The following MATR3 variants were observed in gnomAD, a reference collection of about 807,000 sequenced individuals.
MATR3 encodes matrin 3.
In MATR3, 4 loss-of-function variants were observed where a neutral mutation model predicts 85.5. That is an observed-to-expected ratio of 0.05 (90% CI 0.02 to 0.11). MATR3 has a LOEUF of 0.11. Among genes scored for constraint, MATR3 ranks in the 10% least tolerant of loss-of-function variants. The pLI is 1.00. For synonymous variants in MATR3, 336 were observed against 343.1 expected (o/e 0.98, Z 0.23); for missense variants, 685 against 1,016.1 (o/e 0.67, Z 4.43).
At chr5:139,297,223 G>A (rs1016252923) in intron 1 of MATR3, among the ~76,000 whole-genome samples, 1 of 152,188 alleles carries the variant, frequency 6.6e-6, no homozygotes. Context: ...GGGATGGACA[G>A]TGCTAAGTTT....
At chr5:139,314,827 T>A in intron 3 of MATR3, 91 bp downstream of exon 3, 1 of 1,123,226 alleles carries the variant, frequency 8.9e-7, no homozygotes, top group South Asian at 1.3e-5. Context: ...ACTTGTAATA[T>A]CCACAATGTT....
intron 1 of MATR3, among the ~76,000 whole-genome samples, chr5:139,298,980 CA>C (rs1374259418): frequency 1.3e-5 from 2 of 152,158 alleles, no homozygotes; most frequent in African/African-American, 4.8e-5. Flanking sequence ...CAGAACAGTA[CA>C]TTTTAAGTCA....
chr5:139,311,888 A>G (rs1313741193), intron 2 of MATR3: 1 of 148,354 alleles, frequency 6.7e-6, no homozygotes, highest in Non-Finnish European at 1.5e-5. Flanking sequence ...CTGCCTCAGC[A>G]TCCCAGGTAG....
intron 1 of MATR3, among the ~76,000 whole-genome samples, chr5:139,304,503 A>G (rs1257982393): frequency 6.6e-6 from 1 of 150,970 alleles, no homozygotes; most frequent in East Asian, 1.9e-4. Context: ...TCCATCTGAA[A>G]AAAAAAAAAA....
intron 2 of MATR3, chr5:139,311,668 A>ACTTAAGAAT (rs1360625050): frequency 1.3e-5 from 2 of 151,740 alleles, no homozygotes; most frequent in African/African-American, 4.8e-5. Context: ...CTCTCCCACA[A>ACTTAAGAAT]CTTAAGAATA....
chr5:139,294,263 T>A (rs1273229423), intron 1 of MATR3, among the ~76,000 whole-genome samples: 1 of 152,114 alleles, frequency 6.6e-6, no homozygotes, highest in Non-Finnish European at 1.5e-5. Flanking sequence ...TTGAGGAGGA[T>A]GGTTAAGATA....
At chr5:139,301,569 G>T (rs1017182555) in intron 1 of MATR3, among the ~76,000 whole-genome samples, 1 of 151,958 alleles carries the variant, frequency 6.6e-6, no homozygotes, top group Non-Finnish European at 1.5e-5. Flanking sequence ...TGATCCTCTC[G>T]CCTCGGCCTC....
exon 3 of MATR3, chr5:139,279,078 C>A (rs1437415131): frequency 4.4e-6 from 2 of 458,704 alleles, no homozygotes; most frequent in African/African-American, 4.0e-5. Context: ...ACATCTACCT[C>A]CATCAGGACC....
chr5:139,320,693 C>T (rs868077609), intron 9 of MATR3, among the ~76,000 whole-genome samples: 9 of 149,476 alleles, frequency 6.0e-5, no homozygotes, highest in African/African-American at 2.2e-4. Context: ...AGTTTGTGTT[C>T]TTCCAGACTT....
Position 139,315,687 on chromosome 5 carries a change from CT to C in MATR3, c.975-5del. On this transcript the variant is annotated splice_polypyrimidine_tract_variant and intron_variant, in intron 3 of 14. Transcript: ENST00000394805. ...TTTATTTTAAAGTTAATTTTCTGGT[CT>C]TTTTAAAGCTACCCAGAATGGAATC... 2 of 1,603,550 alleles carry C rather than the reference CT, an allele frequency of 1.2e-6. No individual in the cohort carries two copies. The highest frequency in any genetic ancestry group is 1.3e-5 in the African/African-American group (1 of 74,792).
chr5:139,293,255 GATAA>G (rs1177537705), upstream of MATR3: 1 of 152,028 alleles, frequency 6.6e-6, no homozygotes, highest in African/African-American at 2.4e-5. Flanking sequence ...GTTTATTTAT[GATAA>G]ATAAATAAAC....
At chr5:139,275,142 ATT>A (rs750841386) in intron 1 of MATR3, among the ~76,000 whole-genome samples, 593 of 40,846 alleles carry the variant, frequency 0.015, 2 homozygotes, top group African/African-American at 0.05. Context: ...CGCCCGGCTA[ATT>A]TTTTTTTTTT....
chr5:139,324,908 G>A (rs758795964), intron 12 of MATR3, among the ~76,000 whole-genome samples: 4 of 151,958 alleles, frequency 2.6e-5, no homozygotes, highest in Admixed American at 6.6e-5. Flanking sequence ...AGACAAAGAC[G>A]CGGCCGGGCA....
intron 13 of MATR3, among the ~76,000 whole-genome samples, chr5:139,325,941 T>C (rs1415608345): frequency 2.0e-5 from 3 of 152,204 alleles, no homozygotes; most frequent in Non-Finnish European, 4.4e-5. Flanking sequence ...TTCTGTGTTG[T>C]TTTTCTGTAT....
rs1561948987 is a variant in MATR3, at chr5:139,330,514, C to G, written c.*1119C>G. Reference sequence around the variant, plus strand: ...CTTTAACAATTTATTACTTTTAAATCTAGAGTGAATTCTAAAGACTGCCGC... The same window carrying G: ...CTTTAACAATTTATTACTTTTAAATGTAGAGTGAATTCTAAAGACTGCCGC... On this transcript the variant is annotated 3_prime_UTR_variant, in exon 15 of 15. Coordinates refer to ENST00000394805, the MANE Select transcript of MATR3 (RefSeq NM_018834.6). The G allele has an allele frequency of 2.2e-6, 1 of 454,100 alleles. No homozygotes were observed. Among genetic ancestry groups the G allele is most frequent in the East Asian group, 6.9e-5 (1 of 14,400 alleles). 28.1% of individuals were successfully genotyped at this position (454,100 alleles called of 1,614,324 possible).
chr5:139,318,776 A>G (rs1755389562), intron 7 of MATR3, 132 bp from the exon 8 acceptor site: 7 of 864,224 alleles, frequency 8.1e-6, no homozygotes, highest in African/African-American at 1.7e-5. Context: ...TCTTGAAAGT[A>G]TTTTCTACTT....
In MATR3 at chr5:139,325,476, G is replaced by C; in HGVS notation, c.2185G>C (p.Ala729Pro). The change falls in exon 13 of 15, where the codon GCA becomes CCA. Residue 729 changes from alanine to proline, a missense_variant. Physicochemically the swap from Ala to Pro is conservative, Grantham distance 27. Coordinates refer to ENST00000394805, the MANE Select transcript of MATR3 (RefSeq NM_018834.6). ...CGAGGAACTTGATCAAGAAAACGAAGCAGCGTTGGAAAATGGAATTAAAAA... is the reference window on the plus strand; with the variant it reads ...CGAGGAACTTGATCAAGAAAACGAACCAGCGTTGGAAAATGGAATTAAAAA... ...KIEELDQENE[A>P]ALENGIKNEE... 1 of 1,614,188 alleles carries C rather than the reference G, an allele frequency of 6.2e-7. No homozygotes were observed. The highest frequency in any genetic ancestry group is 8.5e-7 in the Non-Finnish European group (1 of 1,180,036).
intron 1 of MATR3, among the ~76,000 whole-genome samples, chr5:139,303,214 G>A (rs1754542317): frequency 6.6e-6 from 1 of 152,112 alleles, no homozygotes; most frequent in African/African-American, 2.4e-5. Context: ...TGATTCTCCG[G>A]CCTTAGCCTC....
At chr5:139,286,355 T>C (rs139609290) in intron 3 of MATR3, among the ~76,000 whole-genome samples, 151 of 152,084 alleles carry the variant, frequency 9.9e-4, no homozygotes, top group African/African-American at 3.4e-3. Context: ...ATTTATTTAT[T>C]ATAAAATAGA....
Sources: gnomAD v4.1 joint callset for allele counts (sites outside exome capture counted in the v4.1 genomes callset) on GRCh38, gnomAD v4.1.1 for gene constraint, MANE v1.5 for transcripts, NCBI Gene and HGNC (gene_info 2026-07-23, HGNC 2026-07-21) for gene names.